CCDC88C: variants seen among roughly 807,000 people sequenced by gnomAD.
The protein encoded by CCDC88C is protein Daple.
Under a neutral mutation model 198.8 loss-of-function variants are expected in CCDC88C, and 131 were observed. The observed-to-expected ratio is 0.66, with a 90% CI of 0.57 to 0.76. The LOEUF is 0.76. CCDC88C is among the 30% of genes least tolerant of loss of function. The pLI, the probability that CCDC88C is intolerant of heterozygous loss-of-function variation, is 0.00. For synonymous variants in CCDC88C, 1,166 were observed against 1,114.7 expected, an observed-to-expected ratio of 1.05 and a Z score of -0.92; for missense variants, 2,553 against 2,631.6, an observed-to-expected ratio of 0.97 and a Z score of 0.65.
intron 12 of CCDC88C, among the ~76,000 whole-genome samples, chr14:91,322,800 G>A (rs914445679): frequency 8.6e-5 from 13 of 150,480 alleles, no homozygotes; most frequent in African/African-American, 3.2e-4. Context: ...GGTTCTGTGA[G>A]TTAAACAATG....
At chr14:91,346,282 GC>G (rs972926235) in intron 4 of CCDC88C, among the ~76,000 whole-genome samples, 2 of 152,142 alleles carry the variant, frequency 1.3e-5, no homozygotes, top group South Asian at 2.1e-4. Context: ...AACACACCCC[GC>G]CCCCCAGCCT....
In CCDC88C at chr14:91,303,708, C is replaced by G. The variant is rs375732526; in HGVS notation, c.3628G>C (p.Gly1210Arg). 1.9e-6 allele frequency: 3 copies of G among 1,586,648 alleles called. No homozygotes were observed. Among genetic ancestry groups the G allele is most frequent in the Non-Finnish European group, 2.6e-6 (3 of 1,164,782 alleles). ...TCCTTCCCCAGGCCCTACCTCTCCC[C>G]GAGCTCCTTGTGCTCCAGCTCCAGA... ...RNLELEHKEL[G>R]ERHGDMLKRK... is the part of the protein sequence containing the mutation. Residue 1210 changes from glycine (G) to arginine (R), a missense_variant, in exon 20 of 30, where the codon GGG becomes CGG. Gly to Arg is a moderately radical substitution (Grantham distance 125). Around this residue, in one of 2 missense-constraint regions of CCDC88C, gnomAD observed 1,293 missense variants for 1,219.6 expected, o/e 1.06. Coordinates refer to ENST00000389857, the MANE Select transcript of CCDC88C (RefSeq NM_001080414.4).
chr14:91,305,960 C>T, intron 18 of CCDC88C, 34 bp from the exon 19 acceptor site: 3 of 1,600,740 alleles, frequency 1.9e-6, no homozygotes, highest in Non-Finnish European at 2.6e-6. Context: ...GAATCAAACT[C>T]CAACTGGGTA....
chr14:91,375,371 C>T (rs1884339694), intron 3 of CCDC88C, among the ~76,000 whole-genome samples: 1 of 152,160 alleles, frequency 6.6e-6, no homozygotes. Flanking sequence ...ACCAACTGGA[C>T]CCCTGCTGTG....
chr14:91,396,345 C>A (rs1003086250), intron 3 of CCDC88C, among the ~76,000 whole-genome samples: 1 of 152,202 alleles, frequency 6.6e-6, no homozygotes, highest in African/African-American at 2.4e-5. Context: ...TTTTTAACGA[C>A]TTGAGAAATC....
At chr14:91,283,088 T>C (rs1229205082) in intron 26 of CCDC88C, among the ~76,000 whole-genome samples, 1 of 152,184 alleles carries the variant, frequency 6.6e-6, no homozygotes, top group Non-Finnish European at 1.5e-5. Context: ...TGAATGCCGG[T>C]GGTGGCAGTG....
At chr14:91,323,695 ATGGTC>A (rs1328415996) in intron 12 of CCDC88C, among the ~76,000 whole-genome samples, 2 of 152,256 alleles carry the variant, frequency 1.3e-5, no homozygotes, top group Non-Finnish European at 2.9e-5. Context: ...ACCAGCCACC[ATGGTC>A]TCTAACAAAT....
intron 4 of CCDC88C, among the ~76,000 whole-genome samples, chr14:91,349,232 T>A (rs914756362): frequency 6.6e-6 from 1 of 152,150 alleles, no homozygotes; most frequent in Non-Finnish European, 1.5e-5. Flanking sequence ...ATAAATGCTA[T>A]GGGAACCCGG....
rs184130248 is a variant in CCDC88C at position 91,273,850 on chromosome 14, T to A, written c.5059-197A>T. ...GATGGTGAGGGTGGCTAAGGCAGCA[T>A]GGGACCACCAGGAAAGAACCCCAGA... On this transcript the variant is annotated intron_variant, in intron 29 of 29. Transcript: ENST00000389857. The surrounding 1 kb of genome is among the most constrained non-coding windows in gnomAD (Gnocchi z 5.6). Among the ~76,000 whole-genome samples the A allele has an allele frequency of 5.7e-4, 87 of 152,206 alleles. 1 individual carries two copies. The highest frequency in any genetic ancestry group is 2.0e-3 in the African/African-American group (81 of 41,524).
In CCDC88C at chr14:91,416,827, A is replaced by T; in HGVS notation, c.72T>A (p.Phe24Leu). Residue 24 changes from phenylalanine to leucine, a missense_variant, in exon 2 of 30, where the codon TTT becomes TTA. By Grantham distance (22) the Phe-to-Leu change is conservative (BLOSUM62 0). Transcript: ENST00000389857. ...CCTGGCTGCCGCTTCCAAACGGGCC[A>T]AAAGTTTTCACCTGCGGGGAGGGGG... ...QSPLVTWVKT[F>L]GPFGSGSQDN... 1 of 1,612,646 alleles carries T rather than the reference A, an allele frequency of 6.2e-7. No homozygotes were observed.
chr14:91,365,815 C>T (rs1183287951), intron 3 of CCDC88C, among the ~76,000 whole-genome samples: 1 of 152,170 alleles, frequency 6.6e-6, no homozygotes, highest in Non-Finnish European at 1.5e-5. Context: ...GAGAACAGCA[C>T]TCTAACAGTC....
At chr14:91,328,071 C>T (rs555462584) in intron 10 of CCDC88C, among the ~76,000 whole-genome samples, 4 of 152,246 alleles carry the variant, frequency 2.6e-5, no homozygotes, top group South Asian at 2.1e-4. Flanking sequence ...GTGAGCCTCG[C>T]GTAAGTGTTC....
rs1003848346 is a variant in CCDC88C, at chr14:91,380,828, G to A, written c.271-21117C>T. Among the ~76,000 whole-genome samples, 4 of 152,254 alleles carry A rather than the reference G, an allele frequency of 2.6e-5. No homozygotes were observed. The East Asian group carries it at 5.8e-4, about 22-fold the overall frequency. ...GTTGGTGGAAGCTGCAGTCCCCAGG[G>A]AGCGTTTGTGATTTGCACGCCCCGT... is the stretch of plus-strand genomic sequence containing the variant. On this transcript the variant is annotated intron_variant, in intron 3 of 29. Transcript: ENST00000389857.
Position 91,417,730 on chromosome 14 carries a change from C to A in CCDC88C, c.-40G>T, listed in dbSNP as rs1462633379. On this transcript the variant is annotated 5_prime_UTR_variant, in exon 1 of 30. Coordinates refer to ENST00000389857, the MANE Select transcript of CCDC88C (RefSeq NM_001080414.4). ...CGCCGGCTCCGCGCCCCCCGCCCCG[C>A]GTCCCCGTTCCCCCGCGCCGCGGCA... 5 of 1,464,888 alleles carry A rather than the reference C, an allele frequency of 3.4e-6. No homozygotes were observed. The African/African-American group carries it at 5.9e-5, about 17-fold the overall frequency. The allele number at this position is 1,464,888 out of a possible 1,614,324, so 90.7% of individuals were successfully genotyped here. A position where few individuals can be genotyped will look rare whatever the true frequency, so the allele number is the denominator to read the frequency against.
Position 91,343,620 on chromosome 14 carries a change from C to T in CCDC88C, c.378G>A (p.Leu126=). Residue 126 remains leucine (L), a synonymous_variant, in exon 5 of 30, where the codon CTG becomes CTA. Transcript: ENST00000389857. The stretch of plus-strand genomic sequence containing the variant: ...CTACCTGGACAGCACAGCCCAGCAC[C>T]AGCAGCAGCACCTTCTTGATTTCCT... ...SMEEIKKVLL[L]VLGCAVQCER... is the part of the protein sequence containing the mutation. The T allele has an allele frequency of 6.2e-7, 1 of 1,613,772 alleles. No homozygotes were observed. Among genetic ancestry groups the T allele is most frequent in the Middle Eastern group, 1.7e-4 (1 of 6,060 alleles).
chr14:91,375,494 G>T (rs748367), intron 3 of CCDC88C, among the ~76,000 whole-genome samples: 3 of 152,166 alleles, frequency 2.0e-5, no homozygotes, highest in Non-Finnish European at 1.5e-5. Context: ...TGGGGAAGAG[G>T]GGGGTGGGCA....
intron 10 of CCDC88C, among the ~76,000 whole-genome samples, chr14:91,335,267 C>T (rs1040429532): frequency 6.6e-6 from 1 of 152,150 alleles, no homozygotes; most frequent in African/African-American, 2.4e-5. Context: ...TGTTCTGAAA[C>T]ACCCCACGCC....
intron 10 of CCDC88C, among the ~76,000 whole-genome samples, chr14:91,336,948 C>T (rs902469897): frequency 4.6e-5 from 7 of 152,238 alleles, no homozygotes; most frequent in Admixed American, 4.6e-4. Flanking sequence ...CCTAAGAGGC[C>T]TTCTGGCTGG....
intron 3 of CCDC88C, 148 bp downstream of exon 3, chr14:91,408,510 CA>C: frequency 3.1e-6 from 2 of 646,816 alleles, no homozygotes; most frequent in Non-Finnish European, 2.8e-6. Flanking sequence ...CATGCCCCAA[CA>C]AAGGGTTCAC....
Sources: gnomAD v4.1 joint callset for allele counts (sites outside exome capture counted in the v4.1 genomes callset) on GRCh38, gnomAD v4.1.1 for gene constraint, gnomAD v4.1.1 regional missense constraint, Gnocchi (gnomAD v3.1) non-coding constraint, MANE v1.5 for transcripts, NCBI Gene and HGNC (gene_info 2026-07-23, HGNC 2026-07-21) for gene names.